CDC73: variants seen among roughly 807,000 people sequenced by gnomAD.
CDC73 encodes the protein parafibromin.
A neutral mutation model predicts 83.7 loss-of-function variants in CDC73; 21 were observed. The ratio of observed to expected loss-of-function variants is 0.25; its 90% CI spans 0.18 to 0.36. The LOEUF (loss-of-function observed/expected upper bound fraction) is 0.36, where lower values mean the gene tolerates loss of function less well. Ranked by LOEUF, CDC73 falls within the 10% of genes least tolerant of loss-of-function variation. The pLI is 1.00. For synonymous variants in CDC73, 224 were observed against 212.9 expected, an observed-to-expected ratio of 1.05 and a Z score of -0.45; for missense variants, 342 against 653.3, an observed-to-expected ratio of 0.52 and a Z score of 5.19.
At chr1:193,249,549 T>C (rs1225181561) in intron 15 of CDC73, among the ~76,000 whole-genome samples, 181 bp from the exon 16 acceptor site, 1 of 152,070 alleles carries the variant, frequency 6.6e-6, no homozygotes, top group Non-Finnish European at 1.5e-5. Context: ...GCATTTTATC[T>C]TACCTTATTC....
rs145694828 is a variant in CDC73, at chr1:193,142,017, G to A, written c.680G>A (p.Arg227Lys). The A allele has an allele frequency of 1.5e-5, 24 of 1,613,250 alleles. No individual in the cohort carries two copies. Among genetic ancestry groups the A allele is most frequent in the Non-Finnish European group, 2.0e-5 (24 of 1,179,346 alleles). The change falls in exon 7 of 17, where the codon AGA becomes AAA. Residue 227 changes from arginine to lysine, a missense_variant. This residue lies in a region of CDC73 where 239 missense variants were observed against 420.6 expected (regional missense o/e 0.57). Coordinates refer to ENST00000367435, the MANE Select transcript of CDC73 (RefSeq NM_024529.5). ...EVDVTRDIVS[R>K]ERVWRTRTTI... is the part of the protein sequence containing the mutation. ...GATGTGACCCGAGATATTGTCAGCA[G>A]AGAGAGAGTATGGAGGACACGAACA...
intron 10 of CDC73, among the ~76,000 whole-genome samples, chr1:193,178,762 G>A (rs1436739463): frequency 1.3e-5 from 2 of 152,156 alleles, no homozygotes; most frequent in African/African-American, 4.8e-5. Flanking sequence ...AGAACACTTA[G>A]GCTACTGATT....
chr1:193,161,027 TTCATTGAAGTG>T (rs1676299169), intron 10 of CDC73: 1 of 162,874 alleles, frequency 6.1e-6, no homozygotes, highest in Admixed American at 6.5e-5. Flanking sequence ...TGTCTTAGTA[TTCATTGAAGTG>T]TCTAGTTAGT....
At chr1:193,186,158 G>T (rs1464550231) in intron 10 of CDC73, 1 of 153,060 alleles carries the variant, frequency 6.5e-6, no homozygotes, top group Non-Finnish European at 1.5e-5. Context: ...GCTTTTCACA[G>T]TATCCAAAGT....
Position 193,253,421 on chromosome 1 carries a change from G to C in CDC73, c.*2709G>C. ...TGGTTTTTGATTTTTTGTTGTTGTT[G>C]TTGTTTTGTGGCCACCCTTTGCACT... On this transcript the variant is annotated 3_prime_UTR_variant, in exon 17 of 17. Transcript: ENST00000367435. The C allele has an allele frequency of 4.3e-6, 1 of 232,364 alleles. No homozygotes were observed. The highest frequency in any genetic ancestry group is 8.5e-6 in the Non-Finnish European group (1 of 117,538). The allele number at this position is 232,364 out of a possible 1,614,324, so 14.4% of individuals were successfully genotyped here.
At chr1:193,237,836 G>T (rs532957408) in intron 15 of CDC73, among the ~76,000 whole-genome samples, 1 of 152,062 alleles carries the variant, frequency 6.6e-6, no homozygotes, top group East Asian at 1.9e-4. Context: ...TCCTTCTGTC[G>T]TTCGGCCAGG....
intron 8 of CDC73, among the ~76,000 whole-genome samples, chr1:193,150,084 C>A (rs1676078973): frequency 6.6e-6 from 1 of 151,566 alleles, no homozygotes; most frequent in Non-Finnish European, 1.5e-5. Flanking sequence ...CCAGCTTGAG[C>A]AGCATGGTGA....
chr1:193,143,565 T>A (rs1572155802), intron 7 of CDC73, among the ~76,000 whole-genome samples: 1 of 152,218 alleles, frequency 6.6e-6, no homozygotes, highest in Non-Finnish European at 1.5e-5. Context: ...TTTAAAAAAA[T>A]AAGTTAATAA....
chr1:193,187,102 T>TCCTCCCC (rs1676824927), intron 10 of CDC73, among the ~76,000 whole-genome samples: 1 of 32,876 alleles, frequency 3.0e-5, no homozygotes, highest in African/African-American at 1.0e-4. Context: ...GTAATTTAGA[T>TCCTCCCC]CCCCCCCCCC....
At chr1:193,191,253 T>C (rs2103168324) in intron 10 of CDC73, among the ~76,000 whole-genome samples, 1 of 152,344 alleles carries the variant, frequency 6.6e-6, no homozygotes, top group East Asian at 1.9e-4. Context: ...GTCACCAATA[T>C]ACCAGTCTAT....
chr1:193,180,596 G>A, intron 10 of CDC73: 2 of 1,614,106 alleles, frequency 1.2e-6, no homozygotes, highest in Non-Finnish European at 1.7e-6. Flanking sequence ...TTTTCTGCCA[G>A]ATCTCCAGAA....
chr1:193,188,177 CT>C (rs1453976264), intron 10 of CDC73, among the ~76,000 whole-genome samples: 4 of 152,128 alleles, frequency 2.6e-5, no homozygotes, highest in African/African-American at 9.7e-5. Flanking sequence ...GCTAAGCTTA[CT>C]TGAGCTGTTA....
intron 1 of CDC73, 158 bp downstream of exon 1, chr1:193,122,489 T>G (rs766422488): frequency 4.1e-5 from 38 of 938,226 alleles, no homozygotes; most frequent in Admixed American, 1.1e-4. Flanking sequence ...GTTGCACTTT[T>G]AGGGTAAGGA....
chr1:193,248,971 C>T (rs961678934), intron 15 of CDC73, among the ~76,000 whole-genome samples: 54 of 152,054 alleles, frequency 3.6e-4, no homozygotes, highest in African/African-American at 1.3e-3. Flanking sequence ...TATAGTAAAG[C>T]GGCAGAGTTT....
intron 6 of CDC73, among the ~76,000 whole-genome samples, chr1:193,139,773 C>T (rs1025242053): frequency 6.6e-6 from 1 of 152,108 alleles, no homozygotes; most frequent in Non-Finnish European, 1.5e-5. Flanking sequence ...TTTATCTGAA[C>T]ATTGGTCAGC....
At chr1:193,173,927 T>C (rs1176455031) in intron 10 of CDC73, among the ~76,000 whole-genome samples, 2 of 152,156 alleles carry the variant, frequency 1.3e-5, no homozygotes, top group East Asian at 1.9e-4. Context: ...TATTCTAATA[T>C]GTTATGAAAA....
intron 15 of CDC73, among the ~76,000 whole-genome samples, chr1:193,237,351 C>T (rs1242973908): frequency 6.6e-6 from 1 of 152,008 alleles, no homozygotes; most frequent in Non-Finnish European, 1.5e-5. Flanking sequence ...TCTAATATTA[C>T]TGACTGTAGG....
In CDC73 at chr1:193,233,151, A is replaced by G; in HGVS notation, c.1313A>G (p.Asp438Gly). ...CAGCCCCTTAAACTTATGCCTCAAGACTGGTAAGATAGTCTCTATATATAT... is the reference window on the plus strand; with the variant it reads ...CAGCCCCTTAAACTTATGCCTCAAGGCTGGTAAGATAGTCTCTATATATAT... ...VDQPLKLMPQ[D>G]WDRVVAVFVQ... The change falls in exon 14 of 17, where the codon GAC (aspartate) becomes GGC (glycine). Residue 438 changes from aspartate (D) to glycine (G), a missense_variant. By Grantham distance (94) the Asp-to-Gly change is moderately conservative. Coordinates refer to ENST00000367435, the MANE Select transcript of CDC73 (RefSeq NM_024529.5). 1 of 1,610,006 alleles carries G rather than the reference A, an allele frequency of 6.2e-7. No individual in the cohort carries two copies. The highest frequency in any genetic ancestry group is 8.5e-7 in the Non-Finnish European group (1 of 1,176,520).
intron 8 of CDC73, 40 bp downstream of exon 8, chr1:193,148,005 T>C (rs1268355971): frequency 1.5e-6 from 2 of 1,312,808 alleles, no homozygotes; most frequent in African/African-American, 1.5e-5. Context: ...TTTAATGAAG[T>C]TGCCACTTAT....
Sources: allele counts gnomAD v4.1 joint callset (sites outside exome capture counted in the v4.1 genomes callset), GRCh38; gene constraint gnomAD v4.1.1; regional missense constraint gnomAD v4.1.1; transcripts MANE v1.5; gene names NCBI Gene and HGNC (gene_info 2026-07-23, HGNC 2026-07-21).